CAND2: variants seen among roughly 807,000 people sequenced by gnomAD.
CAND2 encodes cullin associated and neddylation dissociated 2 (putative), also known as cullin-associated NEDD8-dissociated protein 2.
CAND2 carries 62 observed loss-of-function variants against 98.9 expected under a neutral mutation model. The observed-to-expected ratio is 0.63, with a 90% CI of 0.51 to 0.77. The LOEUF (loss-of-function observed/expected upper bound fraction) is 0.77, where lower values mean the gene tolerates loss of function less well. CAND2 is among the 30% of genes least tolerant of loss of function. The pLI is 0.00. For synonymous variants in CAND2, 770 were observed against 731.9 expected (o/e 1.05, Z -0.84); for missense variants, 1,501 against 1,655.2 (o/e 0.91, Z 1.62).
chr3:12,832,724 C>A (rs1333356412), intron 14 of CAND2: 1 of 152,200 alleles, frequency 6.6e-6, no homozygotes, highest in African/African-American at 2.4e-5. Flanking sequence ...ACTTGATCAT[C>A]TGAGGATTTT....
intron 14 of CAND2, 81 bp downstream of exon 14, chr3:12,831,653 G>A (rs2062054877): frequency 6.1e-6 from 5 of 815,132 alleles, no homozygotes; most frequent in South Asian, 3.5e-5. Context: ...CCCTTACTGA[G>A]CACTTCCTGC....
intron 11 of CAND2, among the ~76,000 whole-genome samples, chr3:12,824,041 C>T (rs1192318568): frequency 2.0e-5 from 3 of 152,114 alleles, no homozygotes; most frequent in Non-Finnish European, 4.4e-5. Flanking sequence ...CGTAATGGCT[C>T]ATGCCTGTAA....
At chr3:12,832,819 G>A (rs1209469676) in intron 14 of CAND2, 11 of 152,218 alleles carry the variant, frequency 7.2e-5, no homozygotes, top group African/African-American at 2.2e-4. Flanking sequence ...ATGTAGTAGA[G>A]TATTCATGTA....
intron 13 of CAND2, among the ~76,000 whole-genome samples, chr3:12,830,628 G>A (rs2062045321): frequency 6.6e-6 from 1 of 152,256 alleles, no homozygotes; most frequent in African/African-American, 2.4e-5. Context: ...ACCCCCTGGG[G>A]TGAGGAGGGT....
At position 12,817,108 on chromosome 3, in the gene CAND2, C is replaced by T; in HGVS notation, c.2176C>T (p.Pro726Ser). The T allele has an allele frequency of 6.2e-7, 1 of 1,612,994 alleles. No individual in the cohort carries two copies. Among genetic ancestry groups the T allele is most frequent in the Non-Finnish European group, 8.5e-7 (1 of 1,180,000 alleles). Residue 726 changes from proline (P) to serine (S), a missense_variant, in exon 10 of 15, where the codon CCA becomes TCA. Physicochemically the swap from Pro to Ser is moderately conservative, Grantham distance 74. This residue lies in a region of CAND2 where 1,427 missense variants were observed against 1,545.3 expected (regional missense o/e 0.92). Transcript: ENST00000456430. ...DFLATVTQAQPASLVEVSGPV... is the reference protein window; with the variant it reads ...DFLATVTQAQSASLVEVSGPV... ...CCTTGCCACAGTGACCCAGGCCCAGCCAGCCTCTTTGGTGGAGGTCAGTGG... is the reference window on the plus strand; with the variant it reads ...CCTTGCCACAGTGACCCAGGCCCAGTCAGCCTCTTTGGTGGAGGTCAGTGG...
chr3:12,810,038 A>G, intron 4 of CAND2, 21 bp from the exon 5 acceptor site: 1 of 1,395,570 alleles, frequency 7.2e-7, no homozygotes, highest in Non-Finnish European at 9.3e-7. Context: ...GATCGGCCTG[A>G]TGCCCCCTCG....
rs930829230 is a variant in CAND2, at chr3:12,815,984, G to A, written c.1417G>A (p.Glu473Lys). Reference protein sequence around the residue: ...LAGVLPGSLAEHMPVLVSGII... With the variant: ...LAGVLPGSLAKHMPVLVSGII... ...GGGTGTCCTCCCAGGCAGCCTGGCC[G>A]AGCATATGCCTGTGCTGGTATCAGG... The change falls in exon 9 of 15, where the codon GAG (glutamate) becomes AAG (lysine). Residue 473 changes from glutamate (E) to lysine (K), a missense_variant. By Grantham distance (56) the Glu-to-Lys change is moderately conservative (BLOSUM62 1). Around this residue, in one of 3 missense-constraint regions of CAND2, gnomAD observed 1,427 missense variants for 1,545.3 expected, o/e 0.92. Transcript: ENST00000456430. This position sits in a 1 kb window ranked among gnomAD's most constrained non-coding sequence, Gnocchi z 5.7. 2.8e-5 allele frequency: 45 copies of A among 1,613,800 alleles called. No homozygotes were observed. Among genetic ancestry groups the A allele is most frequent in the Middle Eastern group, 1.6e-4 (1 of 6,084 alleles).
At position 12,817,467 on chromosome 3, in the gene CAND2, G is replaced by A; in HGVS notation, c.2535G>A (p.Leu845=). Residue 845 remains leucine (L), a synonymous_variant, in exon 10 of 15, where the codon TTG becomes TTA. Coordinates refer to ENST00000456430, the MANE Select transcript of CAND2 (RefSeq NM_001162499.2). ...CGGGGGTCAAGGTCCTGGCATTCTT[G>A]TCGCTGGCTGAGGTGGGTCAGGTGG... is the stretch of plus-strand genomic sequence containing the variant. ...SSTGVKVLAF[L]SLAEVGQVAG... is the part of the protein sequence containing the mutation. 2 of 1,613,648 alleles carry A rather than the reference G, an allele frequency of 1.2e-6. No individual in the cohort carries two copies. The highest frequency in any genetic ancestry group is 1.7e-6 in the Non-Finnish European group (2 of 1,179,922).
chr3:12,818,644 C>T (rs922648035), intron 10 of CAND2, among the ~76,000 whole-genome samples: 2 of 152,196 alleles, frequency 1.3e-5, no homozygotes, highest in Non-Finnish European at 2.9e-5. Flanking sequence ...GGCCAGCTGG[C>T]CCCTTACAGA....
At position 12,813,082 on chromosome 3, in the gene CAND2, G is replaced by A; in HGVS notation, c.850G>A (p.Ala284Thr). ...LRESCLQAFE[A>T]FLRKCPKEMG... The stretch of plus-strand genomic sequence containing the variant: ...GGAGTCCTGCCTCCAGGCTTTTGAG[G>A]CCTTCTTGAGGAAGTATGTATGGTG... The change falls in exon 6 of 15, where the codon GCC (alanine) becomes ACC (threonine). Residue 284 changes from alanine (A) to threonine (T), a missense_variant. By Grantham distance (58) the Ala-to-Thr change is moderately conservative (BLOSUM62 0). Around this residue, in one of 3 missense-constraint regions of CAND2, gnomAD observed 1,427 missense variants for 1,545.3 expected, o/e 0.92. Transcript: ENST00000456430. 1 of 1,577,652 alleles carries A rather than the reference G, an allele frequency of 6.3e-7. No homozygotes were observed. The highest frequency in any genetic ancestry group is 8.6e-7 in the Non-Finnish European group (1 of 1,161,602).
intron 11 of CAND2, among the ~76,000 whole-genome samples, chr3:12,824,522 C>T (rs930096649): frequency 6.6e-6 from 1 of 152,212 alleles, no homozygotes; most frequent in African/African-American, 2.4e-5. Flanking sequence ...ATCCATGCGT[C>T]AGGGCTTCAC....
chr3:12,821,181 C>T (rs992409864), intron 11 of CAND2, among the ~76,000 whole-genome samples: 13 of 150,466 alleles, frequency 8.6e-5, no homozygotes, highest in African/African-American at 2.2e-4. Flanking sequence ...TTGCAGTGAG[C>T]GGAGATTGCA....
chr3:12,832,635 G>C (rs1389346472), intron 14 of CAND2: 1 of 152,178 alleles, frequency 6.6e-6, no homozygotes, highest in Non-Finnish European at 1.5e-5. Flanking sequence ...TTAGGAACCT[G>C]TTTGTCACAC....
intron 14 of CAND2, among the ~76,000 whole-genome samples, chr3:12,831,926 TCTCAC>T (rs948760232): frequency 2.0e-5 from 3 of 152,168 alleles, no homozygotes; most frequent in Admixed American, 2.0e-4. Context: ...ACTGTCAATC[TCTCAC>T]CTCCTTGTTG....
At chr3:12,823,208 A>G (rs2061971293) in intron 11 of CAND2, among the ~76,000 whole-genome samples, 1 of 152,136 alleles carries the variant, frequency 6.6e-6, no homozygotes, top group African/African-American at 2.4e-5. Context: ...AGCTAGTCAA[A>G]ATACTCGAAG....
intron 1 of CAND2, among the ~76,000 whole-genome samples, chr3:12,800,959 G>A (rs1432795519): frequency 6.6e-6 from 1 of 151,838 alleles, no homozygotes; most frequent in Non-Finnish European, 1.5e-5. Flanking sequence ...CTGACCTTAA[G>A]TGATCTGGCG....
intron 7 of CAND2, among the ~76,000 whole-genome samples, chr3:12,814,218 C>G (rs2061878550): frequency 6.6e-6 from 1 of 152,184 alleles, no homozygotes; most frequent in African/African-American, 2.4e-5. Flanking sequence ...CCCTGTGGGT[C>G]CAAGTGGTCC....
chr3:12,817,130 G>A lies in CAND2; in HGVS notation c.2198G>A (p.Ser733Asn). ...QAQPASLVEV[S>N]GPVLSELLRL... ...CAGCCAGCCTCTTTGGTGGAGGTCA[G>A]TGGCCCTGTGCTCTCAGAGCTGCTG... Residue 733 changes from serine (S) to asparagine (N), a missense_variant, in exon 10 of 15, where the codon AGT becomes AAT. This residue lies in a region of CAND2 where 1,427 missense variants were observed against 1,545.3 expected (regional missense o/e 0.92). Coordinates refer to ENST00000456430, the MANE Select transcript of CAND2 (RefSeq NM_001162499.2). 6.2e-7 allele frequency: 1 copy of A among 1,613,042 alleles called. No individual in the cohort carries two copies. The highest frequency in any genetic ancestry group is 1.1e-5 in the South Asian group (1 of 91,076).
chr3:12,814,847 CCT>C (rs1436579299), intron 7 of CAND2, among the ~76,000 whole-genome samples: 2 of 152,136 alleles, frequency 1.3e-5, no homozygotes, highest in African/African-American at 4.8e-5. Context: ...CAAGCCACTT[CCT>C]CTATCTAAAC....
Sources: allele counts gnomAD v4.1 joint callset (sites outside exome capture counted in the v4.1 genomes callset), GRCh38; gene constraint gnomAD v4.1.1; regional missense constraint gnomAD v4.1.1; non-coding constraint Gnocchi (gnomAD v3.1); transcripts MANE v1.5; gene names NCBI Gene and HGNC (gene_info 2026-07-23, HGNC 2026-07-21).